The following DMRT2 variants were observed in gnomAD, a reference collection of about 807,000 sequenced individuals.
The protein encoded by DMRT2 is doublesex and mab-3 related transcription factor 2, also known as doublesex- and mab-3-related transcription factor 2.
DMRT2 carries 33 observed loss-of-function variants against 43.5 expected under a neutral mutation model. The observed-to-expected ratio is 0.76, with a 90% CI of 0.58 to 1.01. DMRT2 has a LOEUF of 1.01. DMRT2 is among the 50% of genes least tolerant of loss of function. The pLI is 0.00. For missense variants in DMRT2, 1,064 were observed against 748.0 expected (o/e 1.42, Z -4.93); for synonymous variants, 395 against 309.2 (o/e 1.28, Z -2.91).
chr9:1,053,639 A>T (rs544795101), intron 2 of DMRT2, 83 bp from the exon 3 acceptor site: 1 of 1,176,748 alleles, frequency 8.5e-7, no homozygotes, highest in Non-Finnish European at 1.2e-6. Flanking sequence ...AGTTTCTAGA[A>T]GATTTACGGA....
chr9:1,055,899 G>A, intron 3 of DMRT2: 11 of 1,458,034 alleles, frequency 7.5e-6, no homozygotes, highest in Non-Finnish European at 9.9e-6. Context: ...TGCGTAGGGG[G>A]CCTGGGAAGA....
In DMRT2 at chr9:1,056,429, A is replaced by G. The variant is rs756187071; in HGVS notation, c.842A>G (p.Asn281Ser). The change falls in exon 4 of 4, where the codon AAT becomes AGT. Residue 281 changes from asparagine to serine, a missense_variant. By Grantham distance (46) the Asn-to-Ser change is conservative. Transcript: ENST00000358146. ...CGCATGGTGCCTGGACCTGACTACA[A>G]TTCCTACAAAAGTGCCTACAGCCCC... ...PNRMVPGPDY[N>S]SYKSAYSPSP... 9.3e-6 allele frequency: 15 copies of G among 1,614,052 alleles called. No individual in the cohort carries two copies. The Admixed American group carries it at 2.0e-4, about 22-fold the overall frequency.
Position 1,057,057 on chromosome 9 carries a change from A to G in DMRT2, c.1470A>G (p.Pro490=), listed in dbSNP as rs368056380. 1.9e-6 allele frequency: 3 copies of G among 1,614,084 alleles called. No individual in the cohort carries two copies. Among genetic ancestry groups the G allele is most frequent in the Non-Finnish European group, 2.5e-6 (3 of 1,180,048 alleles). The change falls in exon 4 of 4, where the codon CCA becomes CCG. Residue 490 remains proline (P), a synonymous_variant. Coordinates refer to ENST00000358146, the MANE Select transcript of DMRT2 (RefSeq NM_181872.6). ...AATCGGGTCCTGAGTTGAAAACACC[A>G]TTTGTCAAAGAGGCCTTTGAAGAGA... ...TDKSGPELKT[P]FVKEAFEETP... is the part of the protein sequence containing the mutation.
At position 1,051,010 on chromosome 9, in the gene DMRT2, T is replaced by C. The variant is rs1052181719; in HGVS notation, c.-45+235T>C. On this transcript the variant is annotated intron_variant, in intron 1 of 3. Coordinates refer to ENST00000358146, the MANE Select transcript of DMRT2 (RefSeq NM_181872.6). This position sits in a 1 kb window ranked among gnomAD's most constrained non-coding sequence, Gnocchi z 5.9. ...ATGACAACAAAATTTTGGTTTTCAGTTGAGTATTTTGGGGAGGGGGGTGAG... is the reference window on the plus strand; with the variant it reads ...ATGACAACAAAATTTTGGTTTTCAGCTGAGTATTTTGGGGAGGGGGGTGAG... Among the ~76,000 whole-genome samples the C allele has an allele frequency of 2.6e-5, 4 of 151,996 alleles. No homozygotes were observed. The highest frequency in any genetic ancestry group is 9.7e-5 in the African/African-American group (4 of 41,392).
intron 2 of DMRT2, among the ~76,000 whole-genome samples, chr9:1,052,596 T>C (rs1474431300): frequency 6.6e-6 from 1 of 151,990 alleles, no homozygotes. Context: ...AGCTGTCACC[T>C]GGACGTTTGA....
intron 3 of DMRT2, 56 bp downstream of exon 3, chr9:1,053,880 A>G (rs1432777690): frequency 2.8e-6 from 4 of 1,404,642 alleles, no homozygotes; most frequent in Non-Finnish European, 4.0e-6. Context: ...GACTCTCATT[A>G]ATCAGCACAA....
At position 1,051,466 on chromosome 9, in the gene DMRT2, C is replaced by A; in HGVS notation, c.-44-104C>A. 1 of 1,347,128 alleles carries A rather than the reference C, an allele frequency of 7.4e-7. No homozygotes were observed. The highest frequency in any genetic ancestry group is 9.6e-7 in the Non-Finnish European group (1 of 1,039,334). The allele number at this position is 1,347,128 out of a possible 1,614,324, so 83.4% of individuals were successfully genotyped here. ...GGGACATGTAATGAGAACAGGATGA[C>A]TCAAGCGGCCGGAGGCGGGCAGACC... is the stretch of plus-strand genomic sequence containing the variant. On this transcript the variant is annotated intron_variant, in intron 1 of 3. Coordinates refer to ENST00000358146, the MANE Select transcript of DMRT2 (RefSeq NM_181872.6). The surrounding 1 kb of genome is among the most constrained non-coding windows in gnomAD (Gnocchi z 5.9).
Position 1,056,304 on chromosome 9 carries a change from C to G in DMRT2, c.717C>G (p.Ala239=), listed in dbSNP as rs772322958. The G allele has an allele frequency of 1.9e-6, 3 of 1,614,200 alleles. No homozygotes were observed. Among genetic ancestry groups the G allele is most frequent in the Non-Finnish European group, 2.5e-6 (3 of 1,180,046 alleles). ...GTGACAGGATGAGGAAAAGAAGAGC[C>G]TTTGCTGATAAAGAGTTGGAGAACA... ...PVSDRMRKRR[A]FADKELENIM... The change falls in exon 4 of 4, where the codon GCC becomes GCG. Residue 239 remains alanine, a synonymous_variant. Transcript: ENST00000358146.
Position 1,051,991 on chromosome 9 carries a change from C to T in DMRT2, c.378C>T (p.Cys126=), listed in dbSNP as rs1282652289. ...KLSRTPKCAR[C]RNHGVVSCLK... ...GCCGCACGCCCAAGTGCGCGCGCTG[C>T]CGCAACCACGGCGTGGTGTCCTGCC... Residue 126 remains cysteine (C), a synonymous_variant, in exon 2 of 4, where the codon TGC becomes TGT. Transcript: ENST00000358146. The surrounding 1 kb of genome is among the most constrained non-coding windows in gnomAD (Gnocchi z 5.9). 4.1e-6 allele frequency: 6 copies of T among 1,450,148 alleles called. No homozygotes were observed. The highest frequency in any genetic ancestry group is 5.3e-5 in the Admixed American group (2 of 37,692). 89.8% of individuals were successfully genotyped at this position (1,450,148 alleles called of 1,614,324 possible). A position where few individuals can be genotyped will look rare whatever the true frequency, so the allele number is the denominator to read the frequency against.
chr9:1,057,000 C>G lies in DMRT2; in HGVS notation c.1413C>G (p.Phe471Leu). ...RHPLPLRHNPFHSLFQQTLTD... is the reference protein window; with the variant it reads ...RHPLPLRHNPLHSLFQQTLTD... The stretch of plus-strand genomic sequence containing the variant: ...CTCTGCCACTTAGACATAATCCATT[C>G]CACTCATTATTCCAGCAAACACTTA... The change falls in exon 4 of 4, where the codon TTC (phenylalanine) becomes TTG (leucine). Residue 471 changes from phenylalanine (F) to leucine (L), a missense_variant. Physicochemically the swap from Phe to Leu is conservative, Grantham distance 22. Coordinates refer to ENST00000358146, the MANE Select transcript of DMRT2 (RefSeq NM_181872.6). 6.2e-7 allele frequency: 1 copy of G among 1,614,196 alleles called. No homozygotes were observed. Among genetic ancestry groups the G allele is most frequent in the Non-Finnish European group, 8.5e-7 (1 of 1,180,044 alleles).
chr9:1,052,117 C>A lies in DMRT2; in HGVS notation c.504C>A (p.Leu168=). Residue 168 remains leucine, a synonymous_variant, in exon 2 of 4, where the codon CTC becomes CTA. Transcript: ENST00000358146. ...RQRVMAAQVA[L]RRQQATEDKK... ...GCGTCATGGCCGCCCAGGTGGCGCT[C>A]CGGAGGCAGCAGGCCACCGAGGTGC... 2.1e-6 allele frequency: 3 copies of A among 1,417,672 alleles called. No individual in the cohort carries two copies. The highest frequency in any genetic ancestry group is 2.7e-6 in the Non-Finnish European group (3 of 1,091,656). 87.8% of individuals were successfully genotyped at this position (1,417,672 alleles called of 1,614,324 possible).
chr9:1,055,406 T>C (rs188472874), intron 3 of DMRT2, among the ~76,000 whole-genome samples: 1 of 152,258 alleles, frequency 6.6e-6, no homozygotes, highest in Non-Finnish European at 1.5e-5. Context: ...ACTTAGCCTG[T>C]GTTTTAATGA....
chr9:1,052,231 G>A, intron 2 of DMRT2, 93 bp downstream of exon 2: 13 of 1,062,610 alleles, frequency 1.2e-5, no homozygotes, highest in Non-Finnish European at 1.6e-5. Flanking sequence ...CCCGCGCCCA[G>A]GGCCTTGCGG....
In DMRT2 at chr9:1,051,166, G is replaced by A. The variant is rs748185177; in HGVS notation, c.-45+391G>A. ...AATCAAAGGAAAACTGTTCTTCCAC[G>A]GATAGTTTTATATGCATCATGGCCA... On this transcript the variant is annotated intron_variant, in intron 1 of 3. Coordinates refer to ENST00000358146, the MANE Select transcript of DMRT2 (RefSeq NM_181872.6). The surrounding 1 kb of genome is among the most constrained non-coding windows in gnomAD (Gnocchi z 5.9). Among the ~76,000 whole-genome samples, 4 of 152,124 alleles carry A rather than the reference G, an allele frequency of 2.6e-5. No individual in the cohort carries two copies. Among genetic ancestry groups the A allele is most frequent in the South Asian group, 2.1e-4 (1 of 4,830 alleles).
chr9:1,053,486 G>C (rs1361257111), intron 2 of DMRT2, among the ~76,000 whole-genome samples: 1 of 152,214 alleles, frequency 6.6e-6, no homozygotes, highest in South Asian at 2.1e-4. Flanking sequence ...AGTCTAGAGT[G>C]ACTATGCTGC....
Position 1,056,890 on chromosome 9 carries a change from A to G in DMRT2, c.1303A>G (p.Asn435Asp). 1 of 1,614,070 alleles carries G rather than the reference A, an allele frequency of 6.2e-7. No individual in the cohort carries two copies. Among genetic ancestry groups the G allele is most frequent in the Non-Finnish European group, 8.5e-7 (1 of 1,180,018 alleles). Residue 435 changes from asparagine to aspartate, a missense_variant, in exon 4 of 4, where the codon AAT becomes GAT. By Grantham distance (23) the Asn-to-Asp change is conservative (BLOSUM62 1). Coordinates refer to ENST00000358146, the MANE Select transcript of DMRT2 (RefSeq NM_181872.6). ...GTCCGCGTTCTCCCCACCCCGACGGAATTTCTCTCCCATTGTTGACACGGA... is the reference window on the plus strand; with the variant it reads ...GTCCGCGTTCTCCCCACCCCGACGGGATTTCTCTCCCATTGTTGACACGGA... The part of the protein sequence containing the change: ...ERSAFSPPRR[N>D]FSPIVDTDSL...
At chr9:1,055,644 C>G in intron 3 of DMRT2, 2 of 1,322,410 alleles carry the variant, frequency 1.5e-6, no homozygotes, top group Non-Finnish European at 2.0e-6. Context: ...TTCTATGCTT[C>G]TCTATTTTCT....
At chr9:1,054,467 C>T (rs1389076184) in intron 3 of DMRT2, among the ~76,000 whole-genome samples, 1 of 149,696 alleles carries the variant, frequency 6.7e-6, no homozygotes, top group Non-Finnish European at 1.5e-5. Flanking sequence ...TTCATTTTTA[C>T]CATTTTTTGA....
chr9:1,051,979 G>A lies in DMRT2; in HGVS notation c.366G>A (p.Lys122=). The part of the protein sequence containing the change: ...AEPRKLSRTP[K]CARCRNHGVV... ...CGCGCAAGCTGAGCCGCACGCCCAAGTGCGCGCGCTGCCGCAACCACGGCG... is the reference window on the plus strand; with the variant it reads ...CGCGCAAGCTGAGCCGCACGCCCAAATGCGCGCGCTGCCGCAACCACGGCG... The change falls in exon 2 of 4, where the codon AAG becomes AAA. Residue 122 remains lysine, a synonymous_variant. Coordinates refer to ENST00000358146, the MANE Select transcript of DMRT2 (RefSeq NM_181872.6). This position sits in a 1 kb window ranked among gnomAD's most constrained non-coding sequence, Gnocchi z 5.9. 3 of 1,443,278 alleles carry A rather than the reference G, an allele frequency of 2.1e-6. No homozygotes were observed. The highest frequency in any genetic ancestry group is 2.7e-6 in the Non-Finnish European group (3 of 1,104,088). 89.4% of individuals were successfully genotyped at this position (1,443,278 alleles called of 1,614,324 possible). A position where few individuals can be genotyped will look rare whatever the true frequency, so the allele number is the denominator to read the frequency against.
Sources: gnomAD v4.1 joint callset for allele counts (sites outside exome capture counted in the v4.1 genomes callset) on GRCh38, gnomAD v4.1.1 for gene constraint, Gnocchi (gnomAD v3.1) non-coding constraint, MANE v1.5 for transcripts, NCBI Gene and HGNC (gene_info 2026-07-23, HGNC 2026-07-21) for gene names.